Variants in SLC30A7 observed in about 807,000 individuals in gnomAD.
SLC30A7 encodes the protein solute carrier family 30 member 7.
Under a neutral mutation model 46.0 loss-of-function variants are expected in SLC30A7, and 35 were observed. The ratio of observed to expected loss-of-function variants is 0.76; its 90% confidence interval spans 0.58 to 1.01. The LOEUF is 1.01. Ranked by LOEUF, SLC30A7 falls within the 50% of genes least tolerant of loss-of-function variation. The probability of loss-of-function intolerance (pLI) is 0.00; values close to 1 mark genes in which losing one functional copy is unlikely to be tolerated. For missense variants in SLC30A7, 464 were observed against 451.1 expected, an observed-to-expected ratio of 1.03 and a Z score of -0.26; for synonymous variants, 147 against 157.8, an observed-to-expected ratio of 0.93 and a Z score of 0.51.
chr1:100,993,840 C>T, the SLC30A7 span, among the ~76,000 whole-genome samples: 946 of 151,574 alleles, frequency 6.2e-3, 16 homozygotes, highest in African/African-American at 0.02. Flanking sequence ...CTCCTGGGTT[C>T]AAGCAATTCT....
rs541429720 is a variant in SLC30A7 at position 100,958,090 on chromosome 1, A to G, written c.843-3738A>G. Among the ~76,000 whole-genome samples, 437 of 152,110 alleles carry G rather than the reference A, an allele frequency of 2.9e-3. 2 individuals carry two copies. Among genetic ancestry groups the G allele is most frequent in the Non-Finnish European group, 5.3e-3 (359 of 67,984 alleles). ...TTAAGTCCATTTGCAGTTGTTTTCT[A>G]CTCATTTTTTTTCTCTTTCTCCAAC... On this transcript the variant is annotated intron_variant, in intron 8 of 10. Coordinates refer to ENST00000357650, the MANE Select transcript of SLC30A7 (RefSeq NM_133496.5).
At chr1:100,903,768 C>T (rs1317572785) in intron 2 of SLC30A7, among the ~76,000 whole-genome samples, 1 of 152,016 alleles carries the variant, frequency 6.6e-6, no homozygotes, top group Non-Finnish European at 1.5e-5. Context: ...GACTTAGTTT[C>T]TAATTATATA....
intron 3 of SLC30A7, among the ~76,000 whole-genome samples, chr1:100,908,583 C>T (rs1308799014): frequency 6.6e-6 from 1 of 152,076 alleles, no homozygotes; most frequent in Non-Finnish European, 1.5e-5. Flanking sequence ...TAGTATAGAG[C>T]AGTAGATCCT....
In SLC30A7 at chr1:100,980,969, A is replaced by C. The variant is rs1656896398; in HGVS notation, c.*6112A>C. ...TTTAAAGACATCACTACATGTATTC[A>C]ATTACTGATTTAAATATTCCCAGAA... On this transcript the variant is annotated 3_prime_UTR_variant, in exon 11 of 11. Transcript: ENST00000357650. 1 of 152,062 alleles carries C rather than the reference A, an allele frequency of 6.6e-6. No homozygotes were observed. The highest frequency in any genetic ancestry group is 1.5e-5 in the Non-Finnish European group (1 of 67,944). 9.4% of individuals were successfully genotyped at this position (152,062 alleles called of 1,614,324 possible). A position where few individuals can be genotyped will look rare whatever the true frequency, so the allele number is the denominator to read the frequency against.
At chr1:100,967,943 T>C (rs184690592) in intron 10 of SLC30A7, among the ~76,000 whole-genome samples, 179 of 152,292 alleles carry the variant, frequency 1.2e-3, no homozygotes, top group African/African-American at 4.2e-3. Flanking sequence ...GATAATGGTA[T>C]TGTGGTATAG....
At chr1:100,967,979 T>C (rs1325178330) in intron 10 of SLC30A7, among the ~76,000 whole-genome samples, 2 of 152,202 alleles carry the variant, frequency 1.3e-5, no homozygotes, top group Admixed American at 1.3e-4. Flanking sequence ...TCTTAGGAGA[T>C]TCATGTTGAA....
intron 2 of SLC30A7, among the ~76,000 whole-genome samples, chr1:100,902,789 C>T (rs950150929): frequency 6.6e-6 from 1 of 152,144 alleles, no homozygotes; most frequent in Admixed American, 6.5e-5. Flanking sequence ...GATGAGGGCT[C>T]ACCTTAATGA....
chr1:100,948,975 A>AACAT (rs1296930855), intron 8 of SLC30A7, among the ~76,000 whole-genome samples: 1 of 152,172 alleles, frequency 6.6e-6, no homozygotes, highest in East Asian at 1.9e-4. Context: ...GATGGGTTAG[A>AACAT]ACATGCTCCT....
chr1:100,920,656 A>T (rs1387270361), intron 7 of SLC30A7, among the ~76,000 whole-genome samples: 3 of 152,044 alleles, frequency 2.0e-5, no homozygotes, highest in Admixed American at 2.0e-4. Context: ...ACTCATTAGC[A>T]GTCAATTTTT....
At chr1:100,985,032 T>TA (rs1417379069), downstream of SLC30A7, among the ~76,000 whole-genome samples, 3 of 152,040 alleles carry the variant, frequency 2.0e-5, no homozygotes. Context: ...ACCAAAATTT[T>TA]AAAAACATAC....
At position 100,912,209 on chromosome 1, in the gene SLC30A7, A is replaced by C. The variant is rs1231914279; in HGVS notation, c.482A>C (p.His161Pro). The change falls in exon 5 of 11, where the codon CAT becomes CCT. Residue 161 changes from histidine (H) to proline (P), a missense_variant. By Grantham distance (77) the His-to-Pro change is moderately conservative. Coordinates refer to ENST00000357650, the MANE Select transcript of SLC30A7 (RefSeq NM_133496.5). ...CTAATAGGAATATTTGTTTTCAAAC[A>C]TGGAGGTCATGGACATTCTCATGGC... Reference protein sequence around the residue: ...VNLIGIFVFKHGGHGHSHGSG... With the variant: ...VNLIGIFVFKPGGHGHSHGSG... 1 of 1,614,070 alleles carries C rather than the reference A, an allele frequency of 6.2e-7. No individual in the cohort carries two copies. The highest frequency in any genetic ancestry group is 1.1e-5 in the South Asian group (1 of 91,076).
rs115855061 is a variant in SLC30A7 at position 100,967,654 on chromosome 1, A to G, written c.1083+1736A>G. Among the ~76,000 whole-genome samples the G allele has an allele frequency of 7.8e-3, 1,187 of 152,346 alleles. 23 individuals are homozygous for G. Among genetic ancestry groups the G allele is most frequent in the African/African-American group, 0.027 (1,134 of 41,582 alleles). On this transcript the variant is annotated intron_variant, in intron 10 of 10. Coordinates refer to ENST00000357650, the MANE Select transcript of SLC30A7 (RefSeq NM_133496.5). Reference sequence around the variant, plus strand: ...AAAAACGTTTCACTTGAATCTAACCATGAGCAAACATCCAGACAAGTACAG... The same window carrying G: ...AAAAACGTTTCACTTGAATCTAACCGTGAGCAAACATCCAGACAAGTACAG...
intron 3 of SLC30A7, among the ~76,000 whole-genome samples, chr1:100,908,263 C>A (rs766563824): frequency 2.6e-5 from 4 of 152,138 alleles, no homozygotes; most frequent in Non-Finnish European, 5.9e-5. Flanking sequence ...AGCAGGCACA[C>A]ACTCTTTCTT....
chr1:100,961,980 C>A, intron 9 of SLC30A7, 62 bp downstream of exon 9: 1 of 1,050,982 alleles, frequency 9.5e-7, no homozygotes, highest in Admixed American at 2.2e-5. Context: ...TGATTTTCAG[C>A]TTTCACAAAT....
rs142163084 is a variant in SLC30A7, at chr1:100,961,908, G to A, written c.923G>A (p.Cys308Tyr). 21 of 1,594,836 alleles carry A rather than the reference G, an allele frequency of 1.3e-5. No individual in the cohort carries two copies. Among genetic ancestry groups the A allele is most frequent in the African/African-American group, 1.1e-4 (8 of 74,342 alleles). ...CTATTAGAAAATAGTCTGCCTCAGT[G>A]CTATCAGAGGGTGAGTTTCAAATAC... Reference protein sequence around the residue: ...PPLLENSLPQCYQRVQQLQGV... With the variant: ...PPLLENSLPQYYQRVQQLQGV... Residue 308 changes from cysteine to tyrosine, a missense_variant, in exon 9 of 11, where the codon TGC (cysteine) becomes TAC (tyrosine). Cys to Tyr is a radical substitution (Grantham distance 194). Transcript: ENST00000357650.
intron 9 of SLC30A7, among the ~76,000 whole-genome samples, chr1:100,964,285 A>AGGT: frequency 1.4e-5 from 2 of 141,888 alleles, no homozygotes; most frequent in African/African-American, 5.1e-5. Flanking sequence ...CCTATAACAT[A>AGGT]TATGTTATAT....
In SLC30A7 at chr1:100,918,108, C is replaced by T; in HGVS notation, c.687C>T (p.Pro229=). Residue 229 remains proline (P), a synonymous_variant, in exon 7 of 11, where the codon CCC becomes CCT. Coordinates refer to ENST00000357650, the MANE Select transcript of SLC30A7 (RefSeq NM_133496.5). The part of the protein sequence containing the change: ...DGPSLKETTG[P]SRQILQGVFL... ...CGTCCTTAAAAGAAACAACAGGACCCAGCAGACAGATTTTACAAGGTATGA... is the reference window on the plus strand; with the variant it reads ...CGTCCTTAAAAGAAACAACAGGACCTAGCAGACAGATTTTACAAGGTATGA... 1 of 1,612,596 alleles carries T rather than the reference C, an allele frequency of 6.2e-7. No individual in the cohort carries two copies. The highest frequency in any genetic ancestry group is 8.5e-7 in the Non-Finnish European group (1 of 1,179,050).
intron 8 of SLC30A7, among the ~76,000 whole-genome samples, chr1:100,923,004 A>ATTTTTTTTT (rs71084855): frequency 2.0e-5 from 1 of 49,138 alleles, no homozygotes; most frequent in African/African-American, 9.2e-5. Context: ...GTTAGAATAG[A>ATTTTTTTTT]TTTTTTTTTT....
chr1:100,965,531 C>T (rs1354663102), intron 9 of SLC30A7, among the ~76,000 whole-genome samples: 2 of 152,216 alleles, frequency 1.3e-5, no homozygotes, highest in African/African-American at 4.8e-5. Context: ...GGCACACTCT[C>T]AGGTGTGTCC....
Sources: allele counts gnomAD v4.1 joint callset (sites outside exome capture counted in the v4.1 genomes callset), GRCh38; gene constraint gnomAD v4.1.1; transcripts MANE v1.5; gene names NCBI Gene and HGNC (gene_info 2026-07-23, HGNC 2026-07-21).